The following STAU2 variants were observed in gnomAD, a reference collection of about 807,000 sequenced individuals.
The protein encoded by STAU2 is staufen double-stranded RNA binding protein 2.
In STAU2, 20 loss-of-function variants were observed where a neutral mutation model predicts 65.9. The observed-to-expected ratio is 0.30, with a 90% CI of 0.21 to 0.44. STAU2 has a LOEUF of 0.44. Among genes scored for constraint, STAU2 ranks in the 20% least tolerant of loss-of-function variants. The pLI, the probability that STAU2 is intolerant of heterozygous loss-of-function variation, is 1.00. For synonymous variants in STAU2, 232 were observed against 233.9 expected (o/e 0.99, Z 0.07); for missense variants, 558 against 683.9 (o/e 0.82, Z 2.05).
At chr8:73,539,160 G>A (rs1806363258) in intron 13 of STAU2, among the ~76,000 whole-genome samples, 1 of 152,116 alleles carries the variant, frequency 6.6e-6, no homozygotes, top group Admixed American at 6.5e-5. Flanking sequence ...ACTATTCAGA[G>A]GACTGTAAAC....
intron 12 of STAU2, among the ~76,000 whole-genome samples, chr8:73,556,984 T>C (rs2128946679): frequency 6.6e-6 from 1 of 152,088 alleles, no homozygotes. Context: ...TATTACTGAT[T>C]TTTGTTTTTT....
intron 11 of STAU2, among the ~76,000 whole-genome samples, chr8:73,591,044 G>A (rs1810737067): frequency 6.6e-6 from 1 of 152,122 alleles, no homozygotes; most frequent in African/African-American, 2.4e-5. Flanking sequence ...AAGCAAGGAA[G>A]GGGTATAATA....
At chr8:73,463,321 A>G (rs2128901071) in intron 13 of STAU2, among the ~76,000 whole-genome samples, 1 of 152,356 alleles carries the variant, frequency 6.6e-6, no homozygotes, top group South Asian at 2.1e-4. Flanking sequence ...GATGAAATAC[A>G]AATTAAAAAC....
chr8:73,565,861 A>G (rs1464562354), intron 12 of STAU2, among the ~76,000 whole-genome samples: 1 of 152,242 alleles, frequency 6.6e-6, no homozygotes, highest in Non-Finnish European at 1.5e-5. Context: ...CAATCAGCCT[A>G]TGATAAAACT....
intron 6 of STAU2, among the ~76,000 whole-genome samples, chr8:73,625,168 A>C (rs1006123380): frequency 1.3e-5 from 2 of 152,216 alleles, no homozygotes; most frequent in Non-Finnish European, 2.9e-5. Context: ...TTCCTCAAAA[A>C]ATTAAAAGCA....
intron 5 of STAU2, among the ~76,000 whole-genome samples, chr8:73,681,119 CA>C (rs1175385393): frequency 2.0e-5 from 3 of 151,982 alleles, no homozygotes; most frequent in African/African-American, 7.2e-5. Context: ...AAGGAACACC[CA>C]GGGAATTCAT....
intron 4 of STAU2, among the ~76,000 whole-genome samples, chr8:73,695,355 C>A (rs1232483735): frequency 2.1e-5 from 3 of 142,642 alleles, no homozygotes; most frequent in Non-Finnish European, 4.7e-5. Flanking sequence ...TGTAGACACA[C>A]CCTGGGCCAG....
chr8:73,740,382 G>A (rs1219127601), intron 1 of STAU2, among the ~76,000 whole-genome samples: 1 of 151,884 alleles, frequency 6.6e-6, no homozygotes. Context: ...ATTTGGATAG[G>A]CAAAAAAATA....
At chr8:73,566,819 A>C (rs1229149926) in intron 12 of STAU2, among the ~76,000 whole-genome samples, 2 of 152,232 alleles carry the variant, frequency 1.3e-5, no homozygotes, top group Non-Finnish European at 2.9e-5. Context: ...ACCATGCTTA[A>C]AGGATCTGTC....
chr8:73,452,768 T>G (rs1818865642), intron 13 of STAU2, among the ~76,000 whole-genome samples: 1 of 152,234 alleles, frequency 6.6e-6, no homozygotes, highest in Non-Finnish European at 1.5e-5. Flanking sequence ...TTCTAAGTAT[T>G]GTAAAGATGT....
chr8:73,509,028 G>C (rs1822232434), intron 13 of STAU2, among the ~76,000 whole-genome samples: 1 of 152,170 alleles, frequency 6.6e-6, no homozygotes, highest in East Asian at 1.9e-4. Flanking sequence ...GAGTGAAATT[G>C]CTGGATCATG....
intron 13 of STAU2, among the ~76,000 whole-genome samples, chr8:73,466,334 AT>A (rs768751966): frequency 3.9e-5 from 6 of 152,320 alleles, no homozygotes; most frequent in Non-Finnish European, 8.8e-5. Context: ...TTTAAAAAAA[AT>A]AATCCCTGGT....
chr8:73,518,050 A>G (rs1822834952), intron 13 of STAU2, among the ~76,000 whole-genome samples: 1 of 152,254 alleles, frequency 6.6e-6, no homozygotes, highest in Admixed American at 6.5e-5. Flanking sequence ...ACTTAAAAAA[A>G]AAGTTCTGCT....
chr8:73,571,728 T>C (rs968519985), intron 12 of STAU2, among the ~76,000 whole-genome samples: 10 of 152,164 alleles, frequency 6.6e-5, no homozygotes, highest in African/African-American at 2.2e-4. Flanking sequence ...TACCAGAATC[T>C]CTGGGACATA....
chr8:73,518,954 C>T (rs530264105), intron 13 of STAU2, among the ~76,000 whole-genome samples: 55 of 152,188 alleles, frequency 3.6e-4, no homozygotes, highest in African/African-American at 1.2e-3. Flanking sequence ...TCAACAAATA[C>T]GAAAGCACTT....
intron 12 of STAU2, among the ~76,000 whole-genome samples, chr8:73,571,655 C>A (rs1809098726): frequency 6.6e-6 from 1 of 152,136 alleles, no homozygotes; most frequent in African/African-American, 2.4e-5. Context: ...CTACTGGGTA[C>A]ATAACGAAAT....
chr8:73,475,890 T>A (rs1820301263), intron 13 of STAU2, among the ~76,000 whole-genome samples: 1 of 152,220 alleles, frequency 6.6e-6, no homozygotes, highest in Admixed American at 6.5e-5. Flanking sequence ...TATTGTTGAT[T>A]CACAGAATTA....
chr8:73,725,710 T>C (rs1379798063), intron 3 of STAU2, among the ~76,000 whole-genome samples: 6 of 152,110 alleles, frequency 3.9e-5, no homozygotes, highest in Middle Eastern at 3.2e-3. Context: ...GGCAGGTGAA[T>C]CACTTGAGTC....
intron 4 of STAU2, among the ~76,000 whole-genome samples, chr8:73,691,877 T>G (rs1819342921): frequency 6.6e-6 from 1 of 152,152 alleles, no homozygotes; most frequent in Non-Finnish European, 1.5e-5. Context: ...GATAGGAAAT[T>G]TTTATTCTAA....
Sources: allele counts gnomAD v4.1 joint callset (sites outside exome capture counted in the v4.1 genomes callset), GRCh38; gene constraint gnomAD v4.1.1; transcripts MANE v1.5; gene names NCBI Gene and HGNC (gene_info 2026-07-23, HGNC 2026-07-21).